NFIX: variants seen among roughly 807,000 people sequenced by gnomAD.
NFIX encodes the protein nuclear factor I X.
NFIX carries 2 observed loss-of-function variants against 53.3 expected under a neutral mutation model. The ratio of observed to expected loss-of-function variants is 0.04; its 90% CI spans 0.02 to 0.12. The LOEUF is 0.12. NFIX is among the 10% of genes least tolerant of loss of function. NFIX has a pLI of 1.00. For missense variants in NFIX, 310 were observed against 674.5 expected (o/e 0.46, Z 5.99); for synonymous variants, 244 against 289.0 (o/e 0.84, Z 1.58).
chr19:13,080,954 C>T (rs571962321), intron 7 of NFIX, among the ~76,000 whole-genome samples: 2 of 151,312 alleles, frequency 1.3e-5, no homozygotes, highest in East Asian at 2.0e-4. Flanking sequence ...GAGCTGAGAT[C>T]GCACCACTGC....
At chr19:13,070,580 G>GGAGCT (rs1266845899) in intron 2 of NFIX, 1 of 152,504 alleles carries the variant, frequency 6.6e-6, no homozygotes, top group Non-Finnish European at 1.5e-5. Context: ...CTTTTGTCCT[G>GGAGCT]GAGCTGAGCT....
intron 5 of NFIX, among the ~76,000 whole-genome samples, chr19:13,074,621 T>C (rs1350506974): frequency 6.9e-6 from 1 of 144,570 alleles, no homozygotes; most frequent in East Asian, 2.0e-4. Flanking sequence ...GAGGGTGGGG[T>C]GGATGGAGAG....
intron 2 of NFIX, among the ~76,000 whole-genome samples, chr19:13,046,958 T>A (rs1330193922): frequency 6.6e-6 from 1 of 152,158 alleles, no homozygotes; most frequent in African/African-American, 2.4e-5. Flanking sequence ...GAGGTGGCCC[T>A]GGGTTGGCTA....
intron 2 of NFIX, among the ~76,000 whole-genome samples, chr19:13,044,487 C>T (rs957559536): frequency 1.3e-5 from 2 of 151,922 alleles, no homozygotes; most frequent in African/African-American, 4.8e-5. Context: ...TAATTCACAC[C>T]CCAACAACGT....
In NFIX at chr19:12,996,813, G is replaced by A. The variant is rs546585803; in HGVS notation, c.27+949G>A. Among the ~76,000 whole-genome samples, 2 of 152,384 alleles carry A rather than the reference G, an allele frequency of 1.3e-5. No homozygotes were observed. Among genetic ancestry groups the A allele is most frequent in the South Asian group, 2.1e-4 (1 of 4,834 alleles). Reference sequence around the variant, plus strand: ...TTGGCGCGTTGCTAGAGCGCGTCCCGCCTGCAGCGAAGTTCCCTGCGCGGC... The same window carrying A: ...TTGGCGCGTTGCTAGAGCGCGTCCCACCTGCAGCGAAGTTCCCTGCGCGGC... On this transcript the variant is annotated intron_variant, in intron 1 of 10. Coordinates refer to ENST00000592199, the MANE Select transcript of NFIX (RefSeq NM_001365902.3). The surrounding 1 kb of genome is among the most constrained non-coding windows in gnomAD (Gnocchi z 5.2).
Position 13,072,797 on chromosome 19 carries a change from A to G in NFIX, c.560-250A>G, listed in dbSNP as rs540539518. 2.0e-5 allele frequency among the ~76,000 whole-genome samples: 3 copies of G among 152,340 alleles called. No individual in the cohort carries two copies. In the South Asian group the frequency reaches 6.2e-4, roughly 32 times the overall value. Reference sequence around the variant, plus strand: ...CACAGTGCACAGGATGGTCCCCACCAGAGAGAGCAATCCAGGCCAAATGTC... The same window carrying G: ...CACAGTGCACAGGATGGTCCCCACCGGAGAGAGCAATCCAGGCCAAATGTC... On this transcript the variant is annotated intron_variant, in intron 2 of 10. Transcript: ENST00000592199. The surrounding 1 kb of genome is among the most constrained non-coding windows in gnomAD (Gnocchi z 4.0).
chr19:13,039,454 G>A (rs1299658733), intron 2 of NFIX, among the ~76,000 whole-genome samples: 1 of 152,166 alleles, frequency 6.6e-6, no homozygotes, highest in African/African-American at 2.4e-5. Flanking sequence ...AAAGTGCTCC[G>A]GCTGCAGAAA....
rs977736155 is a variant in NFIX at position 13,037,813 on chromosome 19, G to A, written c.559+12261G>A. ...ACACTTTTGGTTGTCACAGTTGTGG[G>A]GGGAGGGTGCTATTGGAATCTAGTG... On this transcript the variant is annotated intron_variant, in intron 2 of 10. Transcript: ENST00000592199. The surrounding 1 kb of genome is among the most constrained non-coding windows in gnomAD (Gnocchi z 4.2). Among the ~76,000 whole-genome samples the A allele has an allele frequency of 1.3e-5, 2 of 152,154 alleles. No individual in the cohort carries two copies. The highest frequency in any genetic ancestry group is 4.8e-5 in the African/African-American group (2 of 41,416).
At position 13,033,462 on chromosome 19, in the gene NFIX, C is replaced by T. The variant is rs542698836; in HGVS notation, c.559+7910C>T. On this transcript the variant is annotated intron_variant, in intron 2 of 10. Transcript: ENST00000592199. ...ACTATCAGTAGGGGGCATCTTGGCT[C>T]TTCTCTCACTCCTGATGCCTTACTG... 4.6e-5 allele frequency among the ~76,000 whole-genome samples: 7 copies of T among 152,284 alleles called. No homozygotes were observed. In the South Asian group the frequency reaches 1.5e-3, roughly 32 times the overall value.
chr19:12,999,421 C>T (rs1048205920), intron 1 of NFIX, among the ~76,000 whole-genome samples: 1 of 151,986 alleles, frequency 6.6e-6, no homozygotes, highest in East Asian at 1.9e-4. Context: ...ATCCACCTGC[C>T]TCGGCCTCCC....
rs1467558662 is a variant in NFIX, at chr19:13,093,937, GCCCTGTCTGTGGGAAGGCAGCGC to G, written c.1495-694_1495-672del. ...ACCAGACACAGGCAGACAAGACAAG[GCCCTGTCTGTGGGAAGGCAGCGC>G]CCCCTGCTGGCGATATGAAGGAAAT... On this transcript the variant is annotated intron_variant, in intron 10 of 10. Transcript: ENST00000592199. The surrounding 1 kb of genome is among the most constrained non-coding windows in gnomAD (Gnocchi z 4.7). 2.6e-5 allele frequency among the ~76,000 whole-genome samples: 4 copies of G among 152,124 alleles called. No individual in the cohort carries two copies. The highest frequency in any genetic ancestry group is 5.9e-5 in the Non-Finnish European group (4 of 68,016).
Position 13,089,211 on chromosome 19 carries a change from A to G in NFIX, c.1402+1075A>G, listed in dbSNP as rs904786050. Among the ~76,000 whole-genome samples the G allele has an allele frequency of 3.3e-5, 5 of 152,252 alleles. No homozygotes were observed. Among genetic ancestry groups the G allele is most frequent in the African/African-American group, 1.2e-4 (5 of 41,560 alleles). On this transcript the variant is annotated intron_variant, in intron 9 of 10. Transcript: ENST00000592199. The surrounding 1 kb of genome is among the most constrained non-coding windows in gnomAD (Gnocchi z 4.8). ...CAGGGTGGGGGATGGGAGCTGGGCT[A>G]CAGGGTTCGGGGGCCACTTCTGGAG...
intron 2 of NFIX, among the ~76,000 whole-genome samples, chr19:13,034,986 G>A (rs1210813631): frequency 1.3e-5 from 2 of 152,164 alleles, no homozygotes; most frequent in African/African-American, 4.8e-5. Context: ...ACATTGTAGA[G>A]TTTTAGCGGA....
chr19:13,082,882 G>C (rs1374652068), intron 8 of NFIX, among the ~76,000 whole-genome samples: 1 of 152,244 alleles, frequency 6.6e-6, no homozygotes, highest in African/African-American at 2.4e-5. Context: ...GCCCACACCA[G>C]AGGCTGCCTG....
In NFIX at chr19:13,015,700, G is replaced by A. The variant is rs557097699; in HGVS notation, c.28-9321G>A. Among the ~76,000 whole-genome samples the A allele has an allele frequency of 8.5e-5, 13 of 152,176 alleles. No homozygotes were observed. In the South Asian group the frequency reaches 2.1e-3, roughly 24 times the overall value. On this transcript the variant is annotated intron_variant, in intron 1 of 10. Coordinates refer to ENST00000592199, the MANE Select transcript of NFIX (RefSeq NM_001365902.3). Reference sequence around the variant, plus strand: ...GCTTTCAGCTCGGCGGGTCCTGTTTGTCCCCCATACATGCCCTGTTAGTCT... The same window carrying A: ...GCTTTCAGCTCGGCGGGTCCTGTTTATCCCCCATACATGCCCTGTTAGTCT...
chr19:13,081,393 C>T lies in NFIX; in HGVS notation c.1079-287C>T, dbSNP rs878857718. The stretch of plus-strand genomic sequence containing the variant: ...CATCTGCCTCATCCTAATCTCCCAG[C>T]GCTGGTTGTGATCAAACTTTATTTA... On this transcript the variant is annotated intron_variant, in intron 7 of 10. Transcript: ENST00000592199. This position sits in a 1 kb window ranked among gnomAD's most constrained non-coding sequence, Gnocchi z 4.7. Among the ~76,000 whole-genome samples the T allele has an allele frequency of 2.6e-5, 4 of 152,168 alleles. No homozygotes were observed. The highest frequency in any genetic ancestry group is 4.1e-4 in the South Asian group (2 of 4,822).
Position 13,024,472 on chromosome 19 carries a change from C to T in NFIX, c.28-549C>T, listed in dbSNP as rs1207247542. The T allele has an allele frequency of 8.1e-6, 12 of 1,472,432 alleles. No homozygotes were observed. The East Asian group carries it at 2.7e-4, about 34-fold the overall frequency. 91.2% of individuals were successfully genotyped at this position (1,472,432 alleles called of 1,614,324 possible). Reference sequence around the variant, plus strand: ...CCTGATCTGTTTCCTCACTCGCTTGCTCGTGGATGTCATTTTCTGTCTTCT... The same window carrying T: ...CCTGATCTGTTTCCTCACTCGCTTGTTCGTGGATGTCATTTTCTGTCTTCT... On this transcript the variant is annotated intron_variant, in intron 1 of 10. Coordinates refer to ENST00000592199, the MANE Select transcript of NFIX (RefSeq NM_001365902.3).
At chr19:13,010,485 G>C (rs2012279254) in intron 1 of NFIX, among the ~76,000 whole-genome samples, 1 of 152,262 alleles carries the variant, frequency 6.6e-6, no homozygotes, top group Admixed American at 6.5e-5. Context: ...CGGGATCTCA[G>C]GCACCGAAAG....
In NFIX at chr19:13,011,190, C is replaced by T. The variant is rs2012321477; in HGVS notation, c.28-13831C>T. Reference sequence around the variant, plus strand: ...CCACGTTCTTAAAGACCGGGGACCCCCCCTCCCCCAAGGGCCGGACTGCAG... The same window carrying T: ...CCACGTTCTTAAAGACCGGGGACCCTCCCTCCCCCAAGGGCCGGACTGCAG... On this transcript the variant is annotated intron_variant, in intron 1 of 10. Coordinates refer to ENST00000592199, the MANE Select transcript of NFIX (RefSeq NM_001365902.3). This position sits in a 1 kb window ranked among gnomAD's most constrained non-coding sequence, Gnocchi z 6.5. Among the ~76,000 whole-genome samples the T allele has an allele frequency of 1.3e-5, 2 of 152,202 alleles. No homozygotes were observed. The highest frequency in any genetic ancestry group is 2.9e-5 in the Non-Finnish European group (2 of 68,026).
Sources: allele counts gnomAD v4.1 joint callset (sites outside exome capture counted in the v4.1 genomes callset), GRCh38; gene constraint gnomAD v4.1.1; non-coding constraint Gnocchi (gnomAD v3.1); transcripts MANE v1.5; gene names NCBI Gene and HGNC (gene_info 2026-07-23, HGNC 2026-07-21).